DCTN4: variants seen among roughly 807,000 people sequenced by gnomAD.
DCTN4 encodes dynactin 4 (p62).
DCTN4 carries 23 observed loss-of-function variants against 62.7 expected under a neutral mutation model. That is an observed-to-expected ratio of 0.37 (90% CI 0.26 to 0.52). The LOEUF is 0.52. Among genes scored for constraint, DCTN4 ranks in the 20% least tolerant of loss-of-function variants. The pLI is 0.92. For missense variants in DCTN4, 514 were observed against 580.4 expected (o/e 0.89, Z 1.18); for synonymous variants, 199 against 202.1 (o/e 0.98, Z 0.13).
At chr5:150,724,505 A>G (rs1446419441) in intron 8 of DCTN4, among the ~76,000 whole-genome samples, 2 of 152,140 alleles carry the variant, frequency 1.3e-5, no homozygotes, top group Non-Finnish European at 2.9e-5. Context: ...TATTTGTATT[A>G]CTTATGAAAC....
Position 150,715,521 on chromosome 5 carries a change from TTA to T in DCTN4, c.1169+42_1169+43del, listed in dbSNP as rs770726614. The T allele has an allele frequency of 4.7e-6, 7 of 1,490,832 alleles. No homozygotes were observed. In the East Asian group the frequency reaches 1.6e-4, roughly 34 times the overall value. 92.4% of individuals were successfully genotyped at this position (1,490,832 alleles called of 1,614,324 possible). On this transcript the variant is annotated intron_variant, in intron 12 of 12. Coordinates refer to ENST00000447998, the MANE Select transcript of DCTN4 (RefSeq NM_016221.4). ...AAACTGGATATAAGTGGGCATTCTA[TTA>T]TCAGCCATTTGTTGTATGGGGATCA...
intron 9 of DCTN4, among the ~76,000 whole-genome samples, chr5:150,722,684 C>T (rs546079454): frequency 5.3e-5 from 8 of 152,302 alleles, no homozygotes; most frequent in African/African-American, 1.9e-4. Context: ...CCAGATCATA[C>T]TGGGACACTG....
chr5:150,732,724 A>G (rs1012800083), intron 5 of DCTN4, among the ~76,000 whole-genome samples: 6 of 152,222 alleles, frequency 3.9e-5, no homozygotes, highest in Non-Finnish European at 5.9e-5. Flanking sequence ...GCACACAGAA[A>G]ACAAACTGTA....
chr5:150,735,143 C>T (rs1057157871), intron 4 of DCTN4, among the ~76,000 whole-genome samples: 3 of 152,210 alleles, frequency 2.0e-5, no homozygotes, highest in East Asian at 3.8e-4. Context: ...AACCTTAGGG[C>T]AAGCTTGTAT....
In DCTN4 at chr5:150,751,601, A is replaced by G. The variant is rs375980974; in HGVS notation, c.385+1878T>C. ...TTACTTTCTTTAACTTATCTCCTAT[A>G]CTGACACTAAAACATATACACATAA... On this transcript the variant is annotated intron_variant, in intron 3 of 12. Transcript: ENST00000447998. Among the ~76,000 whole-genome samples the G allele has an allele frequency of 8.5e-5, 13 of 152,280 alleles. No individual in the cohort carries two copies. In the East Asian group the frequency reaches 1.7e-3, roughly 20 times the overall value.
In DCTN4 at chr5:150,758,309, A is replaced by T. The variant is rs1055431317; in HGVS notation, c.135+550T>A. The T allele has an allele frequency of 4.3e-5, 42 of 985,598 alleles. No individual in the cohort carries two copies. In the East Asian group the frequency reaches 6.7e-4, roughly 16 times the overall value. 61.1% of individuals were successfully genotyped at this position (985,598 alleles called of 1,614,324 possible). A position where few individuals can be genotyped will look rare whatever the true frequency, so the allele number is the denominator to read the frequency against. On this transcript the variant is annotated intron_variant, in intron 1 of 12. Coordinates refer to ENST00000447998, the MANE Select transcript of DCTN4 (RefSeq NM_016221.4). ...AAATACACTTTCAGCTTCTTACATG[A>T]CATACTGTATTCTGAGCGCTTTTCA...
chr5:150,744,685 A>T (rs1243091180), intron 3 of DCTN4, among the ~76,000 whole-genome samples: 2 of 151,872 alleles, frequency 1.3e-5, no homozygotes, highest in Admixed American at 6.5e-5. Context: ...ATATCCAGCC[A>T]AACTAAGCTT....
chr5:150,751,868 A>G (rs2113144273), intron 3 of DCTN4, among the ~76,000 whole-genome samples: 1 of 152,332 alleles, frequency 6.6e-6, no homozygotes, highest in East Asian at 1.9e-4. Context: ...AATTTTTAAG[A>G]ACATAGTTGA....
Position 150,730,738 on chromosome 5 carries a change from T to TTAC in DCTN4, c.725-1_726dup (p.Val242dup), listed in dbSNP as rs1760330546. The TTAC allele has an allele frequency of 1.2e-6, 2 of 1,613,610 alleles. No homozygotes were observed. The highest frequency in any genetic ancestry group is 3.3e-5 in the Admixed American group (2 of 59,968). ...TGTAACAGACGCTGCTGAAGGGTTG[T>TTAC]TACTAGAAAGAAAGGCAGAAAACAG... On this transcript the variant is annotated inframe_insertion and splice_region_variant, in exon 8 of 13. Coordinates refer to ENST00000447998, the MANE Select transcript of DCTN4 (RefSeq NM_016221.4).
chr5:150,724,206 T>G (rs1410525168), intron 8 of DCTN4, among the ~76,000 whole-genome samples: 2 of 152,212 alleles, frequency 1.3e-5, no homozygotes, highest in Non-Finnish European at 2.9e-5. Context: ...AGTTTTAATG[T>G]ACATTTCCCT....
At chr5:150,726,597 T>C (rs377036697) in intron 8 of DCTN4, among the ~76,000 whole-genome samples, 11 of 152,262 alleles carry the variant, frequency 7.2e-5, no homozygotes, top group African/African-American at 2.4e-4. Flanking sequence ...ATTTTTGGAG[T>C]GAAAATTATT....
chr5:150,729,042 C>CTTTGTTTT (rs1760258806), intron 8 of DCTN4, among the ~76,000 whole-genome samples: 1 of 52,140 alleles, frequency 1.9e-5, no homozygotes, highest in African/African-American at 7.6e-5. Context: ...ACCACACTGG[C>CTTTGTTTT]TTTTTTTTTT....
rs528032071 is a variant in DCTN4, at chr5:150,713,777, TTCTC to T, written c.1169+1784_1169+1787del. ...TTTTTCTAACCCACCTTGTTATCTCTTCTCTCTAATATCTTGTTGAGAAAGCTTT... is the reference window on the plus strand; with the variant it reads ...TTTTTCTAACCCACCTTGTTATCTCTTCTAATATCTTGTTGAGAAAGCTTT... On this transcript the variant is annotated intron_variant, in intron 12 of 12. Coordinates refer to ENST00000447998, the MANE Select transcript of DCTN4 (RefSeq NM_016221.4). Among the ~76,000 whole-genome samples the T allele has an allele frequency of 2.0e-4, 31 of 152,088 alleles. 1 individual carries two copies. The highest frequency in any genetic ancestry group is 5.9e-4 in the Admixed American group (9 of 15,286).
chr5:150,743,902 A>C (rs10053143), intron 3 of DCTN4, among the ~76,000 whole-genome samples: 2,244 of 152,242 alleles, frequency 0.015, 55 homozygotes, highest in African/African-American at 0.049. Flanking sequence ...TCCAAAGGAA[A>C]GCAGCTCCTC....
chr5:150,730,334 C>G lies in DCTN4; in HGVS notation c.834+297G>C, dbSNP rs75660094. Among the ~76,000 whole-genome samples the G allele has an allele frequency of 5.5e-3, 844 of 152,292 alleles. 7 individuals are homozygous for G. Among genetic ancestry groups the G allele is most frequent in the African/African-American group, 0.02 (819 of 41,546 alleles). ...GGTCCTCCCTGAGCCTGAACACTAG[C>G]CTAAAAGTTCACACTCTTTCACTAT... On this transcript the variant is annotated intron_variant, in intron 8 of 12. Transcript: ENST00000447998.
intron 3 of DCTN4, among the ~76,000 whole-genome samples, chr5:150,751,852 G>C (rs781238320): frequency 2.6e-4 from 40 of 152,062 alleles, no homozygotes; most frequent in South Asian, 8.3e-4. Flanking sequence ...ATAGAATCAA[G>C]GATTAAATTT....
chr5:150,716,850 C>T lies in DCTN4; in HGVS notation c.1072-1188G>A, dbSNP rs140469421. Among the ~76,000 whole-genome samples, 894 of 150,960 alleles carry T rather than the reference C, an allele frequency of 5.9e-3. 4 individuals carry two copies. The highest frequency in any genetic ancestry group is 0.017 in the Middle Eastern group (5 of 292). On this transcript the variant is annotated intron_variant, in intron 11 of 12. Coordinates refer to ENST00000447998, the MANE Select transcript of DCTN4 (RefSeq NM_016221.4). ...AGGGGAATCGCTTGAAACTGGGAGG[C>T]GGAGAGTGCAGTGAGCCGAGACTGC... is the stretch of plus-strand genomic sequence containing the variant.
chr5:150,736,360 A>G (rs1270558907), intron 4 of DCTN4: 1 of 152,234 alleles, frequency 6.6e-6, no homozygotes, highest in Non-Finnish European at 1.5e-5. Flanking sequence ...TTATGAGGCA[A>G]AAACATCAGA....
At chr5:150,713,827 C>T (rs772832922) in intron 12 of DCTN4, among the ~76,000 whole-genome samples, 39 of 151,936 alleles carry the variant, frequency 2.6e-4, no homozygotes, top group Non-Finnish European at 5.3e-4. Context: ...GTCAAAAAAC[C>T]GTAAATGGGC....
Sources: gnomAD v4.1 joint callset for allele counts (sites outside exome capture counted in the v4.1 genomes callset) on GRCh38, gnomAD v4.1.1 for gene constraint, MANE v1.5 for transcripts, NCBI Gene and HGNC (gene_info 2026-07-23, HGNC 2026-07-21) for gene names.